SPOCK1: variants seen among roughly 807,000 people sequenced by gnomAD.
The protein encoded by SPOCK1 is testican-1.
A neutral mutation model predicts 55.3 loss-of-function variants in SPOCK1; 23 were observed. That is an observed-to-expected ratio of 0.42 (90% CI 0.30 to 0.59). The LOEUF is 0.59. SPOCK1 is among the 20% of genes least tolerant of loss of function. The probability of loss-of-function intolerance (pLI) is 0.22; values close to 1 mark genes in which losing one functional copy is unlikely to be tolerated. For missense variants in SPOCK1, 499 were observed against 552.5 expected (o/e 0.90, Z 0.97); for synonymous variants, 226 against 221.0 (o/e 1.02, Z -0.20).
At chr5:137,358,513 G>A (rs1750870908) in intron 2 of SPOCK1, among the ~76,000 whole-genome samples, 1 of 148,142 alleles carries the variant, frequency 6.8e-6, no homozygotes, top group East Asian at 2.0e-4. Flanking sequence ...AGACAGAAGG[G>A]AGGAGGTGGA....
chr5:137,134,102 T>A (rs1753935256), intron 4 of SPOCK1, among the ~76,000 whole-genome samples: 1 of 152,184 alleles, frequency 6.6e-6, no homozygotes, highest in African/African-American at 2.4e-5. Context: ...ACCTCCACTG[T>A]GGTTCTAATC....
chr5:137,223,502 T>C (rs1755894560), intron 3 of SPOCK1, among the ~76,000 whole-genome samples: 2 of 152,162 alleles, frequency 1.3e-5, no homozygotes. Context: ...ACTACGTAGT[T>C]GGCTGTCTTA....
chr5:137,290,735 G>A (rs1757356081), intron 2 of SPOCK1, among the ~76,000 whole-genome samples: 1 of 152,168 alleles, frequency 6.6e-6, no homozygotes, highest in African/African-American at 2.4e-5. Flanking sequence ...GGTATTTCCA[G>A]GGAAACCTTC....
At chr5:137,020,925 A>G (rs950691175) in intron 6 of SPOCK1, among the ~76,000 whole-genome samples, 1 of 152,138 alleles carries the variant, frequency 6.6e-6, no homozygotes, top group African/African-American at 2.4e-5. Context: ...GATGTGAAAT[A>G]ACCAGAACTT....
At chr5:137,063,239 C>CAA (rs34720226) in intron 6 of SPOCK1, among the ~76,000 whole-genome samples, 2,441 of 100,182 alleles carry the variant, frequency 0.024, 108 homozygotes, top group East Asian at 0.14. Context: ...GACTCCATCT[C>CAA]AAAAAAAAAA....
At chr5:137,445,212 A>G (rs1250368059) in intron 2 of SPOCK1, among the ~76,000 whole-genome samples, 2 of 152,000 alleles carry the variant, frequency 1.3e-5, no homozygotes. Flanking sequence ...TTTTTCCTCT[A>G]CTATAATTAT....
intron 3 of SPOCK1, among the ~76,000 whole-genome samples, chr5:137,237,569 C>A (rs7704339): frequency 0.017 from 2,629 of 152,282 alleles, 78 homozygotes; most frequent in African/African-American, 0.06. Context: ...TGAGCAAATA[C>A]TCCATTTTGT....
intron 2 of SPOCK1, among the ~76,000 whole-genome samples, chr5:137,466,313 G>T (rs1055689025): frequency 6.6e-6 from 1 of 152,184 alleles, no homozygotes; most frequent in Non-Finnish European, 1.5e-5. Context: ...TATTAAGAGG[G>T]TCATGCCTAA....
In SPOCK1 at chr5:137,193,904, G is replaced by T. The variant is rs137943182; in HGVS notation, c.233-53210C>A. ...GCCGGTAATTTATTTCCCCTTTAAG[G>T]ATATGTTAGGAAAGGCAGATTTAAT... On this transcript the variant is annotated intron_variant, in intron 3 of 10. Transcript: ENST00000394945. Among the ~76,000 whole-genome samples, 835 of 152,252 alleles carry T rather than the reference G, an allele frequency of 5.5e-3. 14 individuals are homozygous for T. The highest frequency in any genetic ancestry group is 0.019 in the African/African-American group (800 of 41,534).
intron 2 of SPOCK1, among the ~76,000 whole-genome samples, chr5:137,407,801 G>C (rs1752131461): frequency 6.6e-6 from 1 of 152,198 alleles, no homozygotes; most frequent in African/African-American, 2.4e-5. Context: ...CATAGAGACA[G>C]AGAACATCTG....
At chr5:136,982,240 G>GATGATTGCATTAT (rs1257799735) in intron 9 of SPOCK1, among the ~76,000 whole-genome samples, 1 of 152,168 alleles carries the variant, frequency 6.6e-6, no homozygotes, top group African/African-American at 2.4e-5. Flanking sequence ...ATTTCAGCGA[G>GATGATTGCATTAT]ATGATTGCAT....
intron 2 of SPOCK1, among the ~76,000 whole-genome samples, chr5:137,360,293 C>A (rs995460208): frequency 6.6e-6 from 1 of 152,122 alleles, no homozygotes; most frequent in Non-Finnish European, 1.5e-5. Context: ...TTTGCCCTTG[C>A]TAAAATGTTG....
At chr5:137,302,092 C>CA (rs2127137259) in intron 2 of SPOCK1, among the ~76,000 whole-genome samples, 1 of 152,278 alleles carries the variant, frequency 6.6e-6, no homozygotes, top group South Asian at 2.1e-4. Context: ...AACCTATAAA[C>CA]AGTTGTCCAG....
In SPOCK1 at chr5:137,223,054, C is replaced by A. The variant is rs147996127; in HGVS notation, c.232+43956G>T. ...AGAATGGCAAAACTCCCTACTCTTA[C>A]GGAGCTAATAGTCTACCAGTGACAT... On this transcript the variant is annotated intron_variant, in intron 3 of 10. Transcript: ENST00000394945. 2.4e-3 allele frequency among the ~76,000 whole-genome samples: 357 copies of A among 151,900 alleles called. 2 individuals are homozygous for A. The highest frequency in any genetic ancestry group is 7.9e-3 in the African/African-American group (328 of 41,438).
At chr5:137,223,252 T>G (rs1315251175) in intron 3 of SPOCK1, among the ~76,000 whole-genome samples, 2 of 151,532 alleles carry the variant, frequency 1.3e-5, no homozygotes, top group Non-Finnish European at 2.9e-5. Context: ...TGATGACAAA[T>G]TAAAGGGGTA....
intron 6 of SPOCK1, among the ~76,000 whole-genome samples, chr5:137,016,131 G>T (rs17521322): frequency 6.6e-6 from 1 of 152,086 alleles, no homozygotes; most frequent in Non-Finnish European, 1.5e-5. Context: ...AAAAAAGGCC[G>T]CTTTTCATCG....
chr5:137,470,592 C>T (rs1331161375), intron 2 of SPOCK1, among the ~76,000 whole-genome samples: 2 of 152,172 alleles, frequency 1.3e-5, no homozygotes, highest in East Asian at 3.9e-4. Context: ...CAACCATCTC[C>T]AAGTGTAGTC....
chr5:137,384,493 C>T (rs968705470), intron 2 of SPOCK1, among the ~76,000 whole-genome samples: 8 of 151,936 alleles, frequency 5.3e-5, no homozygotes, highest in African/African-American at 1.9e-4. Flanking sequence ...CAAATTCACA[C>T]AGACTTGGTG....
intron 2 of SPOCK1, among the ~76,000 whole-genome samples, chr5:137,269,528 A>G (rs992886911): frequency 1.3e-5 from 2 of 152,186 alleles, no homozygotes; most frequent in Non-Finnish European, 2.9e-5. Context: ...CTTAGCAGCC[A>G]CTGCTGCAGT....
Sources: gnomAD v4.1 joint callset for allele counts (sites outside exome capture counted in the v4.1 genomes callset) on GRCh38, gnomAD v4.1.1 for gene constraint, MANE v1.5 for transcripts, NCBI Gene and HGNC (gene_info 2026-07-23, HGNC 2026-07-21) for gene names.